Variants in RASGRP2 observed in about 807,000 individuals in gnomAD.
The protein encoded by RASGRP2 is RAS guanyl releasing protein 2, also known as RAS guanyl-releasing protein 2.
Under a neutral mutation model 71.0 loss-of-function variants are expected in RASGRP2, and 44 were observed. That is an observed-to-expected ratio of 0.62 (90% confidence interval 0.49 to 0.80). The LOEUF is 0.80. Among genes scored for constraint, RASGRP2 ranks in the 30% least tolerant of loss-of-function variants. RASGRP2 has a pLI of 0.00. For missense variants in RASGRP2, 663 were observed against 813.4 expected, an observed-to-expected ratio of 0.82 and a Z score of 2.25; for synonymous variants, 350 against 330.7, an observed-to-expected ratio of 1.06 and a Z score of -0.63.
intron 8 of RASGRP2, 70 bp from the exon 9 acceptor site, chr11:64,737,104 A>C: frequency 1.3e-6 from 2 of 1,583,060 alleles, no homozygotes; most frequent in Non-Finnish European, 1.7e-6. Flanking sequence ...GAAATGTAGG[A>C]GGGGGTGAGG....
In RASGRP2 at chr11:64,741,992, A is replaced by G. The variant is rs759862013; in HGVS notation, c.176+18T>C. The stretch of plus-strand genomic sequence containing the variant: ...GGGCTCCGACGGCGGGGGCCTTGGC[A>G]AGGCCGGCGAAGGATATATGTGGAG... On this transcript the variant is annotated intron_variant, in intron 3 of 16. Coordinates refer to ENST00000394432, the MANE Select transcript of RASGRP2 (RefSeq NM_001098671.2). 2 of 1,595,258 alleles carry G rather than the reference A, an allele frequency of 1.3e-6. No individual in the cohort carries two copies. Among genetic ancestry groups the G allele is most frequent in the Non-Finnish European group, 1.7e-6 (2 of 1,170,490 alleles).
At position 64,743,250 on chromosome 11, in the gene RASGRP2, C is replaced by T. The variant is rs1274956150; in HGVS notation, c.-71-313G>A. 2 of 491,600 alleles carry T rather than the reference C, an allele frequency of 4.1e-6. No homozygotes were observed. Among genetic ancestry groups the T allele is most frequent in the Non-Finnish European group, 4.0e-6 (1 of 250,624 alleles). The allele number at this position is 491,600 out of a possible 1,614,324, so 30.5% of individuals were successfully genotyped here. A position where few individuals can be genotyped will look rare whatever the true frequency, so the allele number is the denominator to read the frequency against. ...CCGCAGGGCGCCTTCTCCTCGCGCC[C>T]TCTCCCCAGAGGCACCTGCAGCACC... On this transcript the variant is annotated intron_variant, in intron 1 of 16. Coordinates refer to ENST00000394432, the MANE Select transcript of RASGRP2 (RefSeq NM_001098671.2). This position sits in a 1 kb window ranked among gnomAD's most constrained non-coding sequence, Gnocchi z 4.9.
At chr11:64,734,964 C>G in intron 12 of RASGRP2, 148 bp downstream of exon 12, 2 of 694,650 alleles carry the variant, frequency 2.9e-6, no homozygotes, top group Non-Finnish European at 5.2e-6. Context: ...CTCCTCCCCA[C>G]AAAAGCAAGT....
Position 64,739,753 on chromosome 11 carries a change from C to T in RASGRP2, c.579G>A (p.Leu193=). 1 of 1,613,926 alleles carries T rather than the reference C, an allele frequency of 6.2e-7. No homozygotes were observed. The highest frequency in any genetic ancestry group is 8.5e-7 in the Non-Finnish European group (1 of 1,179,924). The change falls in exon 7 of 17, where the codon CTG becomes CTA. Residue 193 remains leucine, a synonymous_variant. Transcript: ENST00000394432. This position sits in a 1 kb window ranked among gnomAD's most constrained non-coding sequence, Gnocchi z 4.2. ...TGTTGAAGAGGGAGATGAACCGCTCCAGGACGGGGTTGTCCACAGTGCAGC... is the reference window on the plus strand; with the variant it reads ...TGTTGAAGAGGGAGATGAACCGCTCTAGGACGGGGTTGTCCACAGTGCAGC... The part of the protein sequence containing the change: ...THGCTVDNPV[L]ERFISLFNSV...
chr11:64,741,091 G>T lies in RASGRP2; in HGVS notation c.240-12C>A. The T allele has an allele frequency of 1.2e-6, 2 of 1,611,314 alleles. No homozygotes were observed. Among genetic ancestry groups the T allele is most frequent in the South Asian group, 2.2e-5 (2 of 90,896 alleles). ...CGGAGATCCAGTACCTGGAGGAGCG[G>T]GGAGTCACCCAAGATAGCCCTTCCC... On this transcript the variant is annotated splice_polypyrimidine_tract_variant and intron_variant, in intron 4 of 16. Coordinates refer to ENST00000394432, the MANE Select transcript of RASGRP2 (RefSeq NM_001098671.2).
At chr11:64,730,893 T>A (rs894185244) in intron 12 of RASGRP2, among the ~76,000 whole-genome samples, 3 of 152,194 alleles carry the variant, frequency 2.0e-5, no homozygotes, top group African/African-American at 7.2e-5. Context: ...ATGATGCATG[T>A]GAAGTTTTAC....
At position 64,743,021 on chromosome 11, in the gene RASGRP2, A is replaced by C; in HGVS notation, c.-71-84T>G. 5 of 1,385,212 alleles carry C rather than the reference A, an allele frequency of 3.6e-6. No individual in the cohort carries two copies. The highest frequency in any genetic ancestry group is 4.9e-6 in the Non-Finnish European group (5 of 1,018,840). 85.8% of individuals were successfully genotyped at this position (1,385,212 alleles called of 1,614,324 possible). On this transcript the variant is annotated intron_variant, in intron 1 of 16. Coordinates refer to ENST00000394432, the MANE Select transcript of RASGRP2 (RefSeq NM_001098671.2). The surrounding 1 kb of genome is among the most constrained non-coding windows in gnomAD (Gnocchi z 4.9). ...CGGGCAGAAACGGGGCGGGGCGGGCACGCCCCCTGCTGGACAGGGGCGGAG... is the reference window on the plus strand; with the variant it reads ...CGGGCAGAAACGGGGCGGGGCGGGCCCGCCCCCTGCTGGACAGGGGCGGAG...
chr11:64,742,759 G>A lies in RASGRP2; in HGVS notation c.73+35C>T, dbSNP rs2058173415. The A allele has an allele frequency of 1.3e-6, 2 of 1,583,170 alleles. No homozygotes were observed. The highest frequency in any genetic ancestry group is 3.6e-5 in the Admixed American group (2 of 55,500). ...GGACCCGGGCTCAGACTCGGGGCTA[G>A]GCTCAGGCTCCGTGTGCCCTCCCGA... On this transcript the variant is annotated intron_variant, in intron 2 of 16. Transcript: ENST00000394432. This position sits in a 1 kb window ranked among gnomAD's most constrained non-coding sequence, Gnocchi z 4.7.
At position 64,739,758 on chromosome 11, in the gene RASGRP2, C is replaced by T. The variant is rs1278570656; in HGVS notation, c.574G>A (p.Val192Ile). The T allele has an allele frequency of 2.9e-5, 47 of 1,613,762 alleles. No homozygotes were observed. The highest frequency in any genetic ancestry group is 3.6e-5 in the Non-Finnish European group (43 of 1,179,918). Residue 192 changes from valine to isoleucine, a missense_variant, in exon 7 of 17, where the codon GTC becomes ATC. Physicochemically the swap from Val to Ile is conservative, Grantham distance 29. Coordinates refer to ENST00000394432, the MANE Select transcript of RASGRP2 (RefSeq NM_001098671.2). This position sits in a 1 kb window ranked among gnomAD's most constrained non-coding sequence, Gnocchi z 4.2. ...AAGAGGGAGATGAACCGCTCCAGGA[C>T]GGGGTTGTCCACAGTGCAGCCATGA... ...VTHGCTVDNP[V>I]LERFISLFNS...
Position 64,742,224 on chromosome 11 carries a change from G to A in RASGRP2, c.74-112C>T. 1.2e-6 allele frequency: 1 copy of A among 808,282 alleles called. No homozygotes were observed. The highest frequency in any genetic ancestry group is 1.5e-5 in the South Asian group (1 of 68,790). The allele number at this position is 808,282 out of a possible 1,614,324, so 50.1% of individuals were successfully genotyped here. ...GTCCTTCGGGTGCACGCTCGACCCC[G>A]CCCACCTCCTGCTTGCCCAGGACTC... On this transcript the variant is annotated intron_variant, in intron 2 of 16. Coordinates refer to ENST00000394432, the MANE Select transcript of RASGRP2 (RefSeq NM_001098671.2). The surrounding 1 kb of genome is among the most constrained non-coding windows in gnomAD (Gnocchi z 4.7).
rs1236777500 is a variant in RASGRP2 at position 64,739,294 on chromosome 11, G to A, written c.813+66C>T. On this transcript the variant is annotated intron_variant, in intron 8 of 16. Transcript: ENST00000394432. This position sits in a 1 kb window ranked among gnomAD's most constrained non-coding sequence, Gnocchi z 4.2. ...TGAGGACAGCTGTGCCCAGCCCCCA[G>A]TGCTGCTGGGAGGACCCAGTGAAGA... The A allele has an allele frequency of 2.4e-6, 3 of 1,227,886 alleles. No homozygotes were observed. The highest frequency in any genetic ancestry group is 1.2e-6 in the Non-Finnish European group (1 of 828,786). The allele number at this position is 1,227,886 out of a possible 1,614,324, so 76.1% of individuals were successfully genotyped here. A position where few individuals can be genotyped will look rare whatever the true frequency, so the allele number is the denominator to read the frequency against.
rs1050602520 is a variant in RASGRP2, at chr11:64,739,873, C to T, written c.523-64G>A. The T allele has an allele frequency of 3.1e-6, 5 of 1,609,564 alleles. No individual in the cohort carries two copies. Among genetic ancestry groups the T allele is most frequent in the African/African-American group, 2.7e-5 (2 of 74,808 alleles). ...TCTCCCCTCACTGATAGCCACTCCT[C>T]ACCCTCCAGCTGACCTTCAGTGGTT... On this transcript the variant is annotated intron_variant, in intron 6 of 16. Coordinates refer to ENST00000394432, the MANE Select transcript of RASGRP2 (RefSeq NM_001098671.2). This position sits in a 1 kb window ranked among gnomAD's most constrained non-coding sequence, Gnocchi z 4.2.
At position 64,742,047 on chromosome 11, in the gene RASGRP2, T is replaced by C; in HGVS notation, c.139A>G (p.Ile47Val). Residue 47 changes from isoleucine (I) to valine (V), a missense_variant, in exon 3 of 17, where the codon ATC becomes GTC. Ile to Val is a conservative substitution (Grantham distance 29). Coordinates refer to ENST00000394432, the MANE Select transcript of RASGRP2 (RefSeq NM_001098671.2). The surrounding 1 kb of genome is among the most constrained non-coding windows in gnomAD (Gnocchi z 4.7). ...TTGGCCGCCAGCTGAGAGGAGGGGA[T>C]GTACCAGGGGTGCATCATGAGGAAC... ...RMFLMMHPWY[I>V]PSSQLAAKLL... is the part of the protein sequence containing the mutation. The C allele has an allele frequency of 6.2e-7, 1 of 1,611,854 alleles. No homozygotes were observed. The highest frequency in any genetic ancestry group is 8.5e-7 in the Non-Finnish European group (1 of 1,179,012).
chr11:64,730,228 C>A lies in RASGRP2; in HGVS notation c.1413-34G>T, dbSNP rs971113069. 8.4e-6 allele frequency: 13 copies of A among 1,551,172 alleles called. No homozygotes were observed. In the Admixed American group the frequency reaches 2.5e-4, roughly 30 times the overall value. On this transcript the variant is annotated intron_variant, in intron 12 of 16. Transcript: ENST00000394432. Reference sequence around the variant, plus strand: ...AGTTGCGGGGGCGCTTCAGCTCGGGCCCTCCCCAGAACCATCCACCGCTGG... The same window carrying A: ...AGTTGCGGGGGCGCTTCAGCTCGGGACCTCCCCAGAACCATCCACCGCTGG...
Position 64,735,721 on chromosome 11 carries a change from G to C in RASGRP2, c.1174-57C>G, listed in dbSNP as rs145404112. ...AGAGGCAGGGGAAGCCCAGAGCCCC[G>C]GGGAACAGAGAGGGGAATCCCTGGG... On this transcript the variant is annotated intron_variant, in intron 10 of 16. Coordinates refer to ENST00000394432, the MANE Select transcript of RASGRP2 (RefSeq NM_001098671.2). The surrounding 1 kb of genome is among the most constrained non-coding windows in gnomAD (Gnocchi z 4.2). The C allele has an allele frequency of 1.9e-6, 3 of 1,569,852 alleles. No individual in the cohort carries two copies. The East Asian group carries it at 6.9e-5, about 36-fold the overall frequency.
At position 64,739,958 on chromosome 11, in the gene RASGRP2, A is replaced by G. The variant is rs539405981; in HGVS notation, c.522+55T>C. Reference sequence around the variant, plus strand: ...CTACGCCAGGGACCCTGCCCCTCCTAGAACTCTCTTCCAGCCCACATTGGA... The same window carrying G: ...CTACGCCAGGGACCCTGCCCCTCCTGGAACTCTCTTCCAGCCCACATTGGA... On this transcript the variant is annotated intron_variant, in intron 6 of 16. Transcript: ENST00000394432. This position sits in a 1 kb window ranked among gnomAD's most constrained non-coding sequence, Gnocchi z 4.2. The G allele has an allele frequency of 2.1e-5, 34 of 1,613,194 alleles. No individual in the cohort carries two copies. In the Admixed American group the frequency reaches 5.5e-4, roughly 26 times the overall value.
At position 64,735,160 on chromosome 11, in the gene RASGRP2, C is replaced by A. The variant is rs569602568; in HGVS notation, c.1364G>T (p.Arg455Leu). 2 of 1,614,176 alleles carry A rather than the reference C, an allele frequency of 1.2e-6. No homozygotes were observed. The highest frequency in any genetic ancestry group is 1.7e-6 in the Non-Finnish European group (2 of 1,180,030). Residue 455 changes from arginine to leucine, a missense_variant, in exon 12 of 17, where the codon CGT (arginine) becomes CTT (leucine). Arg to Leu is a moderately radical substitution (Grantham distance 102, BLOSUM62 -2). Transcript: ENST00000394432. This position sits in a 1 kb window ranked among gnomAD's most constrained non-coding sequence, Gnocchi z 4.2. ...GGCGCTGAGGTAAGGGAAGTTCCCACGGATGATCTGGAATTCTTCCTGTGA... is the reference window on the plus strand; with the variant it reads ...GGCGCTGAGGTAAGGGAAGTTCCCAAGGATGATCTGGAATTCTTCCTGTGA... ...HISQEEFQII[R>L]GNFPYLSAFG...
Position 64,735,372 on chromosome 11 carries a change from C to T in RASGRP2, c.1297-145G>A, listed in dbSNP as rs545848701. 1.4e-4 allele frequency: 185 copies of T among 1,344,678 alleles called. 1 individual carries two copies. In the South Asian group the frequency reaches 2.1e-3, roughly 15 times the overall value. 83.3% of individuals were successfully genotyped at this position (1,344,678 alleles called of 1,614,324 possible). On this transcript the variant is annotated intron_variant, in intron 11 of 16. Coordinates refer to ENST00000394432, the MANE Select transcript of RASGRP2 (RefSeq NM_001098671.2). The surrounding 1 kb of genome is among the most constrained non-coding windows in gnomAD (Gnocchi z 4.2). Reference sequence around the variant, plus strand: ...CACCACCCCCGTTCCATACCTCCACCCCCACCCTACCCAGGGGCACTTCAG... The same window carrying T: ...CACCACCCCCGTTCCATACCTCCACTCCCACCCTACCCAGGGGCACTTCAG...
rs1037887080 is a variant in RASGRP2 at position 64,743,891 on chromosome 11, G to A, written c.-72+112C>T. The A allele has an allele frequency of 9.4e-6, 7 of 741,228 alleles. No individual in the cohort carries two copies. The African/African-American group carries it at 1.2e-4, about 12-fold the overall frequency. 45.9% of individuals were successfully genotyped at this position (741,228 alleles called of 1,614,324 possible). A position where few individuals can be genotyped will look rare whatever the true frequency, so the allele number is the denominator to read the frequency against. On this transcript the variant is annotated intron_variant, in intron 1 of 16. Coordinates refer to ENST00000394432, the MANE Select transcript of RASGRP2 (RefSeq NM_001098671.2). The surrounding 1 kb of genome is among the most constrained non-coding windows in gnomAD (Gnocchi z 4.9). ...GACCTAAGTGGAGGTGCAGGCGTCC[G>A]CACTTACACGCACCGGGCCACAGGC... is the stretch of plus-strand genomic sequence containing the variant.
Sources: gnomAD v4.1 joint callset for allele counts (sites outside exome capture counted in the v4.1 genomes callset) on GRCh38, gnomAD v4.1.1 for gene constraint, Gnocchi (gnomAD v3.1) non-coding constraint, MANE v1.5 for transcripts, NCBI Gene and HGNC (gene_info 2026-07-23, HGNC 2026-07-21) for gene names.